Variants in CACNA1D observed in about 807,000 individuals in gnomAD.
The protein encoded by CACNA1D is voltage-dependent L-type calcium channel subunit alpha-1D.
In CACNA1D, 55 loss-of-function variants were observed where a neutral mutation model predicts 257.1. The observed-to-expected ratio is 0.21, with a 90% CI of 0.17 to 0.27. The LOEUF (loss-of-function observed/expected upper bound fraction) is 0.27. Among genes scored for constraint, CACNA1D ranks in the 10% least tolerant of loss-of-function variants. CACNA1D has a pLI of 1.00. For missense variants in CACNA1D, 1,876 were observed against 2,784.0 expected (o/e 0.67, Z 7.34); for synonymous variants, 980 against 1,014.9 (o/e 0.97, Z 0.65).
At chr3:53,746,213 T>C (rs935127607) in intron 25 of CACNA1D, among the ~76,000 whole-genome samples, 5 of 152,090 alleles carry the variant, frequency 3.3e-5, no homozygotes, top group Non-Finnish European at 7.4e-5. Context: ...AACCCTGAAA[T>C]AACAATTATG....
intron 3 of CACNA1D, among the ~76,000 whole-genome samples, chr3:53,626,926 A>C (rs1490169824): frequency 6.6e-6 from 1 of 152,102 alleles, no homozygotes; most frequent in Non-Finnish European, 1.5e-5. Flanking sequence ...CTGCCTTGCC[A>C]CTGTAGTAAG....
At chr3:53,505,774 G>A (rs1415527305) in intron 3 of CACNA1D, among the ~76,000 whole-genome samples, 1 of 152,180 alleles carries the variant, frequency 6.6e-6, no homozygotes, top group Admixed American at 6.5e-5. Flanking sequence ...AGCAGTCTAG[G>A]AAATTTTGTA....
chr3:53,607,836 ATG>A (rs1278431026), intron 3 of CACNA1D, among the ~76,000 whole-genome samples: 1 of 152,202 alleles, frequency 6.6e-6, no homozygotes, highest in East Asian at 1.9e-4. Context: ...GAAATAAATT[ATG>A]TATGTGTGTT....
chr3:53,531,822 T>G (rs1327836777), intron 3 of CACNA1D, among the ~76,000 whole-genome samples: 6 of 152,226 alleles, frequency 3.9e-5, no homozygotes, highest in African/African-American at 1.2e-4. Context: ...TGTGTAATCT[T>G]GAGCAAATCA....
At chr3:53,757,713 C>T (rs1270579229) in intron 29 of CACNA1D, among the ~76,000 whole-genome samples, 2 of 152,234 alleles carry the variant, frequency 1.3e-5, no homozygotes, top group Admixed American at 6.5e-5. Flanking sequence ...GCTATTTCTT[C>T]GTCCCCACCC....
At chr3:53,738,910 T>C (rs566342123) in intron 20 of CACNA1D, among the ~76,000 whole-genome samples, 13 of 151,780 alleles carry the variant, frequency 8.6e-5, no homozygotes, top group Non-Finnish European at 1.9e-4. Context: ...ATTCCCACTG[T>C]GACCTAGGAA....
chr3:53,748,997 A>C (rs1365069006), intron 26 of CACNA1D: 6 of 575,614 alleles, frequency 1.0e-5, no homozygotes, highest in East Asian at 9.5e-5. Flanking sequence ...AATAGAAAGG[A>C]GTGTTTTAGG....
At chr3:53,506,374 G>A (rs896810517) in intron 3 of CACNA1D, among the ~76,000 whole-genome samples, 10 of 152,170 alleles carry the variant, frequency 6.6e-5, no homozygotes, top group African/African-American at 1.9e-4. Flanking sequence ...GGGAAGTGGC[G>A]TGGAGTGTGA....
chr3:53,594,976 A>G (rs2093353029), intron 3 of CACNA1D, among the ~76,000 whole-genome samples: 1 of 152,236 alleles, frequency 6.6e-6, no homozygotes, highest in South Asian at 2.1e-4. Context: ...ATCAGGCATT[A>G]GGCATGGTGG....
intron 3 of CACNA1D, among the ~76,000 whole-genome samples, chr3:53,503,285 G>T (rs144772932): frequency 2.0e-4 from 30 of 152,302 alleles, no homozygotes; most frequent in African/African-American, 6.3e-4. Context: ...GAGATCATTT[G>T]TGTAACTTTG....
chr3:53,648,388 A>G (rs967458753), intron 3 of CACNA1D, among the ~76,000 whole-genome samples: 11 of 152,084 alleles, frequency 7.2e-5, no homozygotes, highest in African/African-American at 2.7e-4. Context: ...CCTCTGGTTG[A>G]AGTAACAGAG....
At chr3:53,682,365 TAAAAAAAAAAAAA>T (rs3082718) in intron 8 of CACNA1D, among the ~76,000 whole-genome samples, 24 of 47,370 alleles carry the variant, frequency 5.1e-4, no homozygotes, top group East Asian at 1.3e-3. Flanking sequence ...TTGTCTCTGG[TAAAAAAAAAAAAA>T]AAAAAAAAAA....
intron 33 of CACNA1D, chr3:53,773,290 C>T: frequency 3.2e-6 from 1 of 311,852 alleles, no homozygotes. Context: ...GAGCCAAGTG[C>T]CTTTTGTGAC....
intron 17 of CACNA1D, among the ~76,000 whole-genome samples, chr3:53,731,789 C>T (rs1376871257): frequency 6.6e-6 from 1 of 152,212 alleles, no homozygotes; most frequent in Non-Finnish European, 1.5e-5. Flanking sequence ...ATGGTGCTGG[C>T]TAACCACGAC....
chr3:53,606,484 A>G (rs1047752423), intron 3 of CACNA1D, among the ~76,000 whole-genome samples: 1 of 152,236 alleles, frequency 6.6e-6, no homozygotes, highest in African/African-American at 2.4e-5. Flanking sequence ...GGCTGCTTTG[A>G]TAGCCTTGAC....
chr3:53,707,878 G>T (rs1336299196), intron 9 of CACNA1D, among the ~76,000 whole-genome samples: 1 of 152,110 alleles, frequency 6.6e-6, no homozygotes, highest in Admixed American at 6.5e-5. Context: ...CAATTTTATT[G>T]TAGGAACTAT....
intron 3 of CACNA1D, among the ~76,000 whole-genome samples, chr3:53,594,997 C>T (rs1220820202): frequency 2.0e-5 from 3 of 152,182 alleles, no homozygotes; most frequent in African/African-American, 2.4e-5. Context: ...GAGTTCAGTC[C>T]GTTTCAGCTT....
intron 9 of CACNA1D, chr3:53,710,402 A>C (rs1299336002): frequency 6.6e-6 from 3 of 456,756 alleles, no homozygotes; most frequent in Non-Finnish European, 1.3e-5. Context: ...AAGGGGTCAC[A>C]GTGGCCGACT....
At chr3:53,593,362 C>T (rs571310628) in intron 3 of CACNA1D, among the ~76,000 whole-genome samples, 56 of 152,190 alleles carry the variant, frequency 3.7e-4, no homozygotes, top group Non-Finnish European at 7.3e-4. Context: ...TCTTGAGTTT[C>T]TTCCCTGGGA....
Sources: allele counts gnomAD v4.1 joint callset (sites outside exome capture counted in the v4.1 genomes callset), GRCh38; gene constraint gnomAD v4.1.1; transcripts MANE v1.5; gene names NCBI Gene and HGNC (gene_info 2026-07-23, HGNC 2026-07-21).